RIMS2: variants seen among roughly 807,000 people sequenced by gnomAD.
The protein encoded by RIMS2 is regulating synaptic membrane exocytosis protein 2.
A neutral mutation model predicts 174.4 loss-of-function variants in RIMS2; 59 were observed. That is an observed-to-expected ratio of 0.34 (90% CI 0.27 to 0.42). The LOEUF is 0.42. Among genes scored for constraint, RIMS2 ranks in the 10% least tolerant of loss-of-function variants. RIMS2 has a pLI of 1.00. For missense variants in RIMS2, 1,620 were observed against 1,666.3 expected (o/e 0.97, Z 0.48); for synonymous variants, 606 against 572.5 (o/e 1.06, Z -0.84).
chr8:103,638,081 ATAGT>A (rs1311458173), intron 1 of RIMS2, among the ~76,000 whole-genome samples: 1 of 116,748 alleles, frequency 8.6e-6, no homozygotes, highest in Non-Finnish European at 2.0e-5. Context: ...TTTTGATCGT[ATAGT>A]TAGAGTTGTG....
intron 19 of RIMS2, among the ~76,000 whole-genome samples, chr8:104,192,506 A>G (rs1293454082): frequency 6.6e-6 from 1 of 152,162 alleles, no homozygotes; most frequent in Admixed American, 6.6e-5. Context: ...AATAAGCTGG[A>G]GATAAAAATT....
At chr8:103,581,781 C>G (rs755394854) in intron 1 of RIMS2, among the ~76,000 whole-genome samples, 4 of 152,176 alleles carry the variant, frequency 2.6e-5, no homozygotes, top group African/African-American at 4.8e-5. Context: ...ATCATCTCCC[C>G]CATAAGGATA....
intron 1 of RIMS2, among the ~76,000 whole-genome samples, chr8:103,546,227 G>C (rs149593369): frequency 0.014 from 2,058 of 152,250 alleles, 23 homozygotes; most frequent in Non-Finnish European, 0.019. Flanking sequence ...AACAGGAGTT[G>C]CTATTCTAAT....
At chr8:104,004,517 G>T (rs1262603302) in intron 17 of RIMS2, among the ~76,000 whole-genome samples, 1 of 149,834 alleles carries the variant, frequency 6.7e-6, no homozygotes, top group Non-Finnish European at 1.5e-5. Flanking sequence ...GGTGAGGGGG[G>T]AAAAAACAGG....
chr8:104,010,048 A>G (rs77591332), intron 17 of RIMS2, among the ~76,000 whole-genome samples: 3,802 of 152,090 alleles, frequency 0.025, 138 homozygotes, highest in African/African-American at 0.084. Flanking sequence ...ATGACAGGCA[A>G]TAACATTGGG....
At chr8:103,821,597 T>C (rs985472394) in intron 3 of RIMS2, among the ~76,000 whole-genome samples, 1 of 151,748 alleles carries the variant, frequency 6.6e-6, no homozygotes, top group Non-Finnish European at 1.5e-5. Flanking sequence ...GTATGATGAG[T>C]GAAAAAATAA....
At chr8:103,794,537 A>G (rs1316052204) in intron 3 of RIMS2, among the ~76,000 whole-genome samples, 1 of 152,198 alleles carries the variant, frequency 6.6e-6, no homozygotes, top group Non-Finnish European at 1.5e-5. Flanking sequence ...GGACTTCATG[A>G]CTAAAACACC....
chr8:103,890,244 T>A (rs1365102423), intron 4 of RIMS2, among the ~76,000 whole-genome samples: 1 of 152,002 alleles, frequency 6.6e-6, no homozygotes, highest in African/African-American at 2.4e-5. Flanking sequence ...CTAAACTGAA[T>A]GAAGCTTGTT....
At chr8:103,854,725 T>G (rs192752826) in intron 3 of RIMS2, among the ~76,000 whole-genome samples, 120 of 152,206 alleles carry the variant, frequency 7.9e-4, no homozygotes, top group African/African-American at 2.7e-3. Context: ...TGCTTGGTTG[T>G]GGTATATTAA....
chr8:104,051,602 A>T (rs10108184), intron 19 of RIMS2, among the ~76,000 whole-genome samples: 38,439 of 151,970 alleles, frequency 0.25, 5,265 homozygotes, highest in African/African-American at 0.35. Context: ...AAGGGAGAAG[A>T]TGTCAAAAGG....
At chr8:104,083,101 T>C (rs1477026182) in intron 19 of RIMS2, among the ~76,000 whole-genome samples, 1 of 152,058 alleles carries the variant, frequency 6.6e-6, no homozygotes, top group Non-Finnish European at 1.5e-5. Context: ...GGAACAGGAG[T>C]AGTGGGCCTC....
intron 19 of RIMS2, among the ~76,000 whole-genome samples, chr8:104,048,988 A>G (rs1041578945): frequency 6.6e-5 from 10 of 152,160 alleles, no homozygotes; most frequent in Admixed American, 5.2e-4. Context: ...GAGTTTGGAT[A>G]ATACCCACTT....
Position 104,104,427 on chromosome 8 carries a change from G to A in RIMS2, c.3334+89812G>A, listed in dbSNP as rs183853572. On this transcript the variant is annotated intron_variant, in intron 19 of 23. Coordinates refer to ENST00000504942, the Ensembl canonical transcript of RIMS2. ...GAGGAGTGGGAGTTTTGATGGATGG[G>A]GTTGTTGGAAAAATAGCAGTAGAAA... Among the ~76,000 whole-genome samples, 135 of 152,246 alleles carry A rather than the reference G, an allele frequency of 8.9e-4. 1 individual carries two copies. The highest frequency in any genetic ancestry group is 1.6e-3 in the Non-Finnish European group (107 of 68,024).
chr8:103,508,318 G>A (rs1229007276), intron 1 of RIMS2, among the ~76,000 whole-genome samples: 1 of 152,010 alleles, frequency 6.6e-6, no homozygotes, highest in Non-Finnish European at 1.5e-5. Flanking sequence ...TTTACAAGAG[G>A]AGCACGTGAT....
intron 19 of RIMS2, among the ~76,000 whole-genome samples, chr8:104,099,705 GC>G (rs2097835546): frequency 6.6e-6 from 1 of 152,082 alleles, no homozygotes; most frequent in Non-Finnish European, 1.5e-5. Context: ...CAGGATTGTT[GC>G]CATTTTAAGA....
chr8:103,846,802 A>AT (rs997292644), intron 3 of RIMS2, among the ~76,000 whole-genome samples: 1 of 151,930 alleles, frequency 6.6e-6, no homozygotes, highest in Non-Finnish European at 1.5e-5. Flanking sequence ...ATACTTAAAT[A>AT]TTTTTTTCCA....
chr8:104,017,755 T>C (rs2095962511), intron 19 of RIMS2, among the ~76,000 whole-genome samples: 1 of 152,172 alleles, frequency 6.6e-6, no homozygotes, highest in Non-Finnish European at 1.5e-5. Flanking sequence ...TTCTATAGCA[T>C]GTCAGAAACG....
chr8:103,864,701 T>A (rs140967142), intron 3 of RIMS2, among the ~76,000 whole-genome samples: 2 of 152,194 alleles, frequency 1.3e-5, no homozygotes, highest in Non-Finnish European at 2.9e-5. Flanking sequence ...TTAATTGTAT[T>A]AATTATTCTT....
chr8:104,201,502 T>C (rs1016871923), intron 19 of RIMS2, among the ~76,000 whole-genome samples: 1 of 152,174 alleles, frequency 6.6e-6, no homozygotes, highest in Admixed American at 6.5e-5. Context: ...TTCGGCATCA[T>C]AGATTTAAAT....
Sources: allele counts gnomAD v4.1 joint callset (sites outside exome capture counted in the v4.1 genomes callset), GRCh38; gene constraint gnomAD v4.1.1; transcripts MANE v1.5; gene names NCBI Gene and HGNC (gene_info 2026-07-23, HGNC 2026-07-21).